ERC1: variants seen among roughly 807,000 people sequenced by gnomAD.
ERC1 encodes RAB6 interacting protein 2.
Under a neutral mutation model 132.0 loss-of-function variants are expected in ERC1, and 56 were observed. The observed-to-expected ratio is 0.42, with a 90% CI of 0.34 to 0.53. ERC1 has a LOEUF of 0.53. Among genes scored for constraint, ERC1 ranks in the 20% least tolerant of loss-of-function variants. The pLI is 0.03. For synonymous variants in ERC1, 478 were observed against 476.1 expected, an observed-to-expected ratio of 1.00 and a Z score of -0.05; for missense variants, 1,202 against 1,349.9, an observed-to-expected ratio of 0.89 and a Z score of 1.72.
At chr12:1,189,825 G>A (rs1422393948) in intron 11 of ERC1, 34 bp from the exon 12 acceptor site, 2 of 1,550,252 alleles carry the variant, frequency 1.3e-6, no homozygotes, top group Non-Finnish European at 1.7e-6. Flanking sequence ...CCACCTGTGT[G>A]TATCTGATAG....
chr12:1,020,256 A>G (rs994834439), intron 1 of ERC1, among the ~76,000 whole-genome samples: 1 of 152,178 alleles, frequency 6.6e-6, no homozygotes, highest in Non-Finnish European at 1.5e-5. Flanking sequence ...CAGGAGTTTG[A>G]GACCAGCCTG....
intron 15 of ERC1, among the ~76,000 whole-genome samples, chr12:1,362,460 C>CTCTCTCTCTG (rs1591539836): frequency 6.6e-6 from 1 of 152,244 alleles, no homozygotes; most frequent in Admixed American, 6.5e-5. Context: ...CTCTCTCTCT[C>CTCTCTCTCTG]TCTCTCTCTG....
intron 18 of ERC1, among the ~76,000 whole-genome samples, chr12:1,462,996 C>T (rs2093672418): frequency 1.3e-5 from 2 of 152,078 alleles, no homozygotes; most frequent in Admixed American, 6.5e-5. Context: ...GTGGAATCAA[C>T]TTTCATCAGC....
intron 2 of ERC1, among the ~76,000 whole-genome samples, chr12:1,044,364 A>G (rs1970753328): frequency 6.6e-6 from 1 of 152,228 alleles, no homozygotes; most frequent in Admixed American, 6.5e-5. Flanking sequence ...AAACTGATTC[A>G]TATGACCAAG....
chr12:1,146,314 T>TTTTTGTTGTTG (rs58961855), intron 8 of ERC1, among the ~76,000 whole-genome samples: 127 of 132,808 alleles, frequency 9.6e-4, no homozygotes, highest in African/African-American at 4.1e-3. Context: ...ACTGGTTTTT[T>TTTTTGTTGTTG]TTTTTTTTTT....
chr12:1,096,128 G>A lies in ERC1; in HGVS notation c.1087-8622G>A, dbSNP rs571465636. Among the ~76,000 whole-genome samples the A allele has an allele frequency of 1.4e-4, 22 of 152,086 alleles. No individual in the cohort carries two copies. In the East Asian group the frequency reaches 1.7e-3, roughly 12 times the overall value. On this transcript the variant is annotated intron_variant, in intron 3 of 18. Coordinates refer to ENST00000360905, the MANE Select transcript of ERC1 (RefSeq NM_178040.4). ...TTTTTCATAGAGATGGGGATTCACC[G>A]TGTTGCCCAGGCTGGTCTCGAACTA...
chr12:1,105,442 C>T (rs989952859), intron 4 of ERC1, among the ~76,000 whole-genome samples: 3 of 152,084 alleles, frequency 2.0e-5, no homozygotes, highest in East Asian at 1.9e-4. Context: ...ACTGCAAGCT[C>T]CGTCTCCCGG....
At chr12:1,227,129 T>A (rs754780235) in intron 12 of ERC1, among the ~76,000 whole-genome samples, 1 of 152,202 alleles carries the variant, frequency 6.6e-6, no homozygotes, top group African/African-American at 2.4e-5. Flanking sequence ...TGATTTCAGT[T>A]GTTTTTGATG....
rs752463271 is a variant in ERC1 at position 991,247 on chromosome 12, C to CGGCGGCAGT, written c.-226_-225insAGTGGCGGC. On this transcript the variant is annotated 5_prime_UTR_variant, in exon 1 of 19. Transcript: ENST00000360905. ...CGCGGGCGCCTGGGCCGTGCTGTGGCGGCGGCGGCGGCGGTAGTGGCGGCG... is the reference window on the plus strand; with the variant it reads ...CGCGGGCGCCTGGGCCGTGCTGTGGCGGCGGCAGTGGCGGCGGCGGCGGTAGTGGCGGCG... The CGGCGGCAGT allele has an allele frequency of 6.3e-6, 1 of 158,302 alleles. No individual in the cohort carries two copies. Among genetic ancestry groups the CGGCGGCAGT allele is most frequent in the Non-Finnish European group, 1.3e-5 (1 of 76,392 alleles). 9.8% of individuals were successfully genotyped at this position (158,302 alleles called of 1,614,324 possible).
intron 12 of ERC1, among the ~76,000 whole-genome samples, chr12:1,195,374 C>T (rs1848664026): frequency 6.6e-6 from 1 of 152,160 alleles, no homozygotes; most frequent in African/African-American, 2.4e-5. Context: ...ATTTAATTTT[C>T]TACTTTCCCA....
At position 1,121,208 on chromosome 12, in the gene ERC1, G is replaced by A. The variant is rs142611221; in HGVS notation, c.1569+5175G>A. Among the ~76,000 whole-genome samples the A allele has an allele frequency of 3.6e-4, 55 of 152,332 alleles. 1 individual carries two copies. The East Asian group carries it at 9.4e-3, about 26-fold the overall frequency. Reference sequence around the variant, plus strand: ...AGGTTACATGACCTAGTGCCCGATCGATTCAAACCCGCAAACTTGCGTTCT... The same window carrying A: ...AGGTTACATGACCTAGTGCCCGATCAATTCAAACCCGCAAACTTGCGTTCT... On this transcript the variant is annotated intron_variant, in intron 7 of 18. Transcript: ENST00000360905.
At position 1,050,920 on chromosome 12, in the gene ERC1, G is replaced by A. The variant is rs367687173; in HGVS notation, c.669+22348G>A. On this transcript the variant is annotated intron_variant, in intron 2 of 18. Transcript: ENST00000360905. The stretch of plus-strand genomic sequence containing the variant: ...CTAGAGAGGCTGAGGCAGGAGAATC[G>A]CTTGAACCCGGGAGGCGGAAGTTGC... Among the ~76,000 whole-genome samples the A allele has an allele frequency of 3.4e-4, 51 of 152,074 alleles. No individual in the cohort carries two copies. The East Asian group carries it at 9.7e-3, about 29-fold the overall frequency.
chr12:1,115,196 G>T (rs1264885486), intron 6 of ERC1, among the ~76,000 whole-genome samples: 1 of 151,960 alleles, frequency 6.6e-6, no homozygotes, highest in African/African-American at 2.4e-5. Context: ...AAAATTCTTA[G>T]AAAACAGGAA....
intron 2 of ERC1, among the ~76,000 whole-genome samples, chr12:1,042,338 G>GTTTTT (rs776086251): frequency 4.1e-5 from 5 of 120,996 alleles, no homozygotes; most frequent in Non-Finnish European, 3.3e-5. Context: ...CGCCCGGCCT[G>GTTTTT]TTTTTTTTTT....
chr12:1,260,733 C>G (rs2077090599), intron 13 of ERC1, among the ~76,000 whole-genome samples: 1 of 152,198 alleles, frequency 6.6e-6, no homozygotes, highest in Non-Finnish European at 1.5e-5. Context: ...TTGCCGTCTT[C>G]TTTCTCTTGT....
At chr12:1,154,645 A>G (rs1951195006) in intron 8 of ERC1, among the ~76,000 whole-genome samples, 1 of 152,214 alleles carries the variant, frequency 6.6e-6, no homozygotes, top group South Asian at 2.1e-4. Flanking sequence ...ACAGAATGGG[A>G]GAAAATATTT....
At chr12:1,094,165 C>T (rs1420171490) in intron 3 of ERC1, among the ~76,000 whole-genome samples, 1 of 148,242 alleles carries the variant, frequency 6.7e-6, no homozygotes, top group East Asian at 2.0e-4. Context: ...ACTACAGGTG[C>T]CTGCCACCAT....
At chr12:1,435,934 C>A (rs1218660288) in intron 17 of ERC1, among the ~76,000 whole-genome samples, 1 of 152,152 alleles carries the variant, frequency 6.6e-6, no homozygotes, top group Non-Finnish European at 1.5e-5. Context: ...CCTCTCAGGC[C>A]ATGTTCTTAT....
intron 17 of ERC1, chr12:1,444,284 T>C (rs7973613): frequency 0.14 from 35,615 of 250,428 alleles, 7,464 homozygotes; most frequent in African/African-American, 0.56. Flanking sequence ...TGTGCTTAAT[T>C]CCTGCCTCGA....
Sources: gnomAD v4.1 joint callset for allele counts (sites outside exome capture counted in the v4.1 genomes callset) on GRCh38, gnomAD v4.1.1 for gene constraint, MANE v1.5 for transcripts, NCBI Gene and HGNC (gene_info 2026-07-23, HGNC 2026-07-21) for gene names.